CERKL: variants seen among roughly 807,000 people sequenced by gnomAD.
CERKL encodes CERK like autophagy regulator.
In CERKL, 61 loss-of-function variants were observed where a neutral mutation model predicts 63.4. That is an observed-to-expected ratio of 0.96 (90% CI 0.78 to 1.19). CERKL has a LOEUF of 1.19. CERKL is among the 50% of genes most tolerant of loss of function. The pLI, the probability that CERKL is intolerant of heterozygous loss-of-function variation, is 0.00. For synonymous variants in CERKL, 250 were observed against 230.5 expected, an observed-to-expected ratio of 1.08 and a Z score of -0.77; for missense variants, 675 against 655.5, an observed-to-expected ratio of 1.03 and a Z score of -0.33.
rs1345013147 is a variant in CERKL, at chr2:181,562,735, AT to A, written c.677+3322del. Among the ~76,000 whole-genome samples, 14 of 152,276 alleles carry A rather than the reference AT, an allele frequency of 9.2e-5. No homozygotes were observed. In the South Asian group the frequency reaches 2.9e-3, roughly 32 times the overall value. ...TATCCTTTTTCAAAGAGTGATAAAG[AT>A]TTTTTTAATGAATGTTTTTATACTT... On this transcript the variant is annotated intron_variant, in intron 4 of 12. Coordinates refer to ENST00000410087, the MANE Select transcript of CERKL (RefSeq NM_201548.5).
intron 11 of CERKL, among the ~76,000 whole-genome samples, chr2:181,542,911 AAG>A (rs1687574027): frequency 1.1e-5 from 1 of 92,078 alleles, no homozygotes; most frequent in Non-Finnish European, 3.0e-5. Flanking sequence ...TAAAAAAATG[AAG>A]AAGAAGAATG....
chr2:181,622,595 T>G (rs1407937078), intron 1 of CERKL, among the ~76,000 whole-genome samples: 2 of 152,082 alleles, frequency 1.3e-5, no homozygotes, highest in African/African-American at 2.4e-5. Context: ...AAAAATAAAA[T>G]CACATCCATT....
chr2:181,624,485 T>A (rs934244946), intron 1 of CERKL, among the ~76,000 whole-genome samples: 1 of 152,084 alleles, frequency 6.6e-6, no homozygotes, highest in African/African-American at 2.4e-5. Flanking sequence ...CAGCGAGCTA[T>A]GATCACCAGT....
intron 4 of CERKL, among the ~76,000 whole-genome samples, chr2:181,559,692 A>G (rs992271502): frequency 6.6e-6 from 1 of 152,202 alleles, no homozygotes; most frequent in African/African-American, 2.4e-5. Flanking sequence ...ATATATTTAA[A>G]AACACTATTT....
intron 1 of CERKL, among the ~76,000 whole-genome samples, chr2:181,634,498 T>A (rs1405849907): frequency 2.6e-5 from 4 of 151,960 alleles, no homozygotes; most frequent in Non-Finnish European, 2.9e-5. Flanking sequence ...GTGAAAAAAA[T>A]TTTTTCCAGT....
In CERKL at chr2:181,569,195, T is replaced by C. The variant is rs538935325; in HGVS notation, c.614-3074A>G. Among the ~76,000 whole-genome samples the C allele has an allele frequency of 2.0e-5, 3 of 152,296 alleles. No individual in the cohort carries two copies. In the East Asian group the frequency reaches 5.8e-4, roughly 29 times the overall value. On this transcript the variant is annotated intron_variant, in intron 3 of 12. Transcript: ENST00000410087. ...CACATCTGAATGCTGGGAACAGGACTGGCCATATACACCCACAATTATTTA... is the reference window on the plus strand; with the variant it reads ...CACATCTGAATGCTGGGAACAGGACCGGCCATATACACCCACAATTATTTA...
chr2:181,591,097 C>T (rs1321714120), intron 2 of CERKL, among the ~76,000 whole-genome samples: 4 of 152,148 alleles, frequency 2.6e-5, no homozygotes, highest in Middle Eastern at 3.4e-3. Context: ...CTCTGTGACA[C>T]GATATGGAGT....
At chr2:181,656,706 C>G (rs990983079) in intron 1 of CERKL, 63 bp downstream of exon 1, 2 of 1,395,230 alleles carry the variant, frequency 1.4e-6, no homozygotes, top group Non-Finnish European at 1.9e-6. Flanking sequence ...GGGTGTAGGC[C>G]TTGGGCCGGG....
At chr2:181,620,145 G>C (rs1328322615) in intron 1 of CERKL, among the ~76,000 whole-genome samples, 1 of 152,160 alleles carries the variant, frequency 6.6e-6, no homozygotes, top group Non-Finnish European at 1.5e-5. Context: ...GTAGGAACAG[G>C]ATGAGATGTA....
intron 1 of CERKL, among the ~76,000 whole-genome samples, chr2:181,623,522 T>G (rs1686547141): frequency 6.6e-6 from 1 of 152,204 alleles, no homozygotes; most frequent in African/African-American, 2.4e-5. Context: ...TAGTATGTAT[T>G]TGAGTGAAAA....
intron 1 of CERKL, among the ~76,000 whole-genome samples, chr2:181,622,171 A>G (rs1686483942): frequency 6.6e-6 from 1 of 152,222 alleles, no homozygotes; most frequent in East Asian, 1.9e-4. Context: ...ACATCATACT[A>G]TATAAATGTC....
At chr2:181,614,597 T>C (rs568277358) in intron 1 of CERKL, among the ~76,000 whole-genome samples, 8 of 152,332 alleles carry the variant, frequency 5.3e-5, no homozygotes, top group African/African-American at 1.9e-4. Context: ...TCTGCTTCAG[T>C]TGTCATCTAC....
chr2:181,544,005 GAA>G (rs1687620506), intron 11 of CERKL, among the ~76,000 whole-genome samples: 2 of 139,090 alleles, frequency 1.4e-5, no homozygotes, highest in Non-Finnish European at 3.1e-5. Flanking sequence ...AAAAAAGAAA[GAA>G]AAAGAAAAAG....
At chr2:181,565,556 T>C in intron 4 of CERKL, 1 of 1,245,262 alleles carries the variant, frequency 8.0e-7, no homozygotes, top group Non-Finnish European at 1.2e-6. Context: ...TATGAGATAA[T>C]TAAAATTATT....
intron 2 of CERKL, among the ~76,000 whole-genome samples, chr2:181,577,952 C>T (rs1051008241): frequency 6.6e-6 from 1 of 152,148 alleles, no homozygotes; most frequent in Non-Finnish European, 1.5e-5. Context: ...TCTGAACCTA[C>T]ATCTGTCTGA....
chr2:181,616,513 A>G (rs1686205242), intron 1 of CERKL, among the ~76,000 whole-genome samples: 1 of 152,156 alleles, frequency 6.6e-6, no homozygotes, highest in Admixed American at 6.5e-5. Flanking sequence ...CACCCAGCCT[A>G]AATGTTATTC....
rs188474402 is a variant in CERKL, at chr2:181,590,593, A to C, written c.481+13244T>G. Among the ~76,000 whole-genome samples, 325 of 152,306 alleles carry C rather than the reference A, an allele frequency of 2.1e-3. 3 individuals carry two copies. Among genetic ancestry groups the C allele is most frequent in the African/African-American group, 7.4e-3 (307 of 41,576 alleles). ...TTGTCAGAATTGAGGAGGAAAAAAA[A>C]CCAAAAGTATTATGGAATATGGGAA... On this transcript the variant is annotated intron_variant, in intron 2 of 12. Transcript: ENST00000410087.
intron 2 of CERKL, among the ~76,000 whole-genome samples, chr2:181,592,130 C>T (rs187215138): frequency 1.3e-5 from 2 of 152,262 alleles, no homozygotes; most frequent in South Asian, 2.1e-4. Context: ...TCCCTCCCTA[C>T]ACCTTCTCCT....
chr2:181,582,828 G>A (rs1684585320), intron 2 of CERKL, among the ~76,000 whole-genome samples: 2 of 152,074 alleles, frequency 1.3e-5, no homozygotes, highest in African/African-American at 2.4e-5. Context: ...ACAGGCATGA[G>A]CCATTGCACC....
Sources: allele counts gnomAD v4.1 joint callset (sites outside exome capture counted in the v4.1 genomes callset), GRCh38; gene constraint gnomAD v4.1.1; transcripts MANE v1.5; gene names NCBI Gene and HGNC (gene_info 2026-07-23, HGNC 2026-07-21).